ERP27: variants seen among roughly 807,000 people sequenced by gnomAD.
ERP27 encodes the protein endoplasmic reticulum protein 27, also known as endoplasmic reticulum resident protein 27.
ERP27 carries 23 observed loss-of-function variants against 27.7 expected under a neutral mutation model. The ratio of observed to expected loss-of-function variants is 0.83; its 90% CI spans 0.60 to 1.18. ERP27 has a LOEUF of 1.18. Ranked by LOEUF, ERP27 falls within the 50% of genes most tolerant of loss-of-function variation. The probability of loss-of-function intolerance (pLI) is 0.00; values close to 1 mark genes in which losing one functional copy is unlikely to be tolerated. For synonymous variants in ERP27, 159 were observed against 118.3 expected (o/e 1.34, Z -2.23); for missense variants, 363 against 327.9 (o/e 1.11, Z -0.83).
rs143116191 is a variant in ERP27 at position 14,932,168 on chromosome 12, G to A, written c.333+2688C>T. Among the ~76,000 whole-genome samples, 99 of 152,260 alleles carry A rather than the reference G, an allele frequency of 6.5e-4. 1 individual carries two copies. Among genetic ancestry groups the A allele is most frequent in the African/African-American group, 2.3e-3 (95 of 41,546 alleles). ...TGAATACAAAGATGAATAAGTCATC[G>A]TTTCCAGCCTTGAATAGGTCATGGC... On this transcript the variant is annotated intron_variant, in intron 3 of 6. Transcript: ENST00000266397.
intron 4 of ERP27, among the ~76,000 whole-genome samples, chr12:14,918,032 T>G (rs1456444233): frequency 6.6e-6 from 1 of 152,230 alleles, no homozygotes; most frequent in African/African-American, 2.4e-5. Context: ...AATGTAGTCT[T>G]TGTTTGAGTA....
At chr12:14,934,813 A>G (rs746881626) in intron 3 of ERP27, 43 bp downstream of exon 3, 29 of 1,612,128 alleles carry the variant, frequency 1.8e-5, no homozygotes, top group Non-Finnish European at 2.4e-5. Flanking sequence ...TCCACAACCC[A>G]GTGAAAATCT....
At chr12:14,934,825 G>C (rs1343748430) in intron 3 of ERP27, 31 bp downstream of exon 3, 13 of 1,613,158 alleles carry the variant, frequency 8.1e-6, no homozygotes, top group Non-Finnish European at 1.1e-5. Flanking sequence ...TGAAAATCTG[G>C]GAGAAAGCTC....
At chr12:14,925,829 G>A (rs1453993451) in intron 3 of ERP27, among the ~76,000 whole-genome samples, 1 of 152,032 alleles carries the variant, frequency 6.6e-6, no homozygotes, top group Non-Finnish European at 1.5e-5. Context: ...CAGCACTTTG[G>A]GAGGCTGAGG....
At chr12:14,927,729 C>T (rs2120594740) in intron 3 of ERP27, among the ~76,000 whole-genome samples, 1 of 143,966 alleles carries the variant, frequency 6.9e-6, no homozygotes, top group South Asian at 2.3e-4. Context: ...TTTACTGGCT[C>T]TCTAATGCCT....
intron 3 of ERP27, chr12:14,929,002 A>G: frequency 6.5e-7 from 1 of 1,534,792 alleles, no homozygotes; most frequent in Non-Finnish European, 8.7e-7. Flanking sequence ...TGCAACCACC[A>G]AAATCATCAT....
chr12:14,928,832 C>T lies in ERP27; in HGVS notation c.333+6024G>A, dbSNP rs551503399. 2.8e-6 allele frequency: 3 copies of T among 1,087,970 alleles called. No individual in the cohort carries two copies. In the East Asian group the frequency reaches 7.7e-5, roughly 28 times the overall value. 67.4% of individuals were successfully genotyped at this position (1,087,970 alleles called of 1,614,324 possible). ...AGGTAGATCCTTGCCCACCCTCCTA[C>T]CACCTCCTTCCCCTTCCCTTGCCCA... On this transcript the variant is annotated intron_variant, in intron 3 of 6. Coordinates refer to ENST00000266397, the MANE Select transcript of ERP27 (RefSeq NM_152321.4).
At position 14,917,226 on chromosome 12, in the gene ERP27, T is replaced by C. The variant is rs776234893; in HGVS notation, c.528A>G (p.Glu176=). 7 of 1,614,182 alleles carry C rather than the reference T, an allele frequency of 4.3e-6. No homozygotes were observed. Among genetic ancestry groups the C allele is most frequent in the Non-Finnish European group, 5.9e-6 (7 of 1,180,016 alleles). ...CCTTCTGGTATCTGTGCATGTTCTCTTCATACTCTGGGGAGGCCTTGTTCA... is the reference window on the plus strand; with the variant it reads ...CCTTCTGGTATCTGTGCATGTTCTCCTCATACTCTGGGGAGGCCTTGTTCA... ...LIMNKASPEY[E]ENMHRYQKAA... The change falls in exon 5 of 7, where the codon GAA becomes GAG. Residue 176 remains glutamate, a synonymous_variant. Coordinates refer to ENST00000266397, the MANE Select transcript of ERP27 (RefSeq NM_152321.4).
Position 14,920,971 on chromosome 12 carries a change from C to T in ERP27, c.411G>A (p.Glu137=). Residue 137 remains glutamate (E), a synonymous_variant, in exon 4 of 7, where the codon GAG becomes GAA. Transcript: ENST00000266397. ...IDATKLSRFI[E]INSLHMVTEY... The stretch of plus-strand genomic sequence containing the variant: ...CTGTCACCATGTGGAGGCTGTTGAT[C>T]TCAATGAAACGGCTCAATTTGGTGG... 1.2e-6 allele frequency: 2 copies of T among 1,614,138 alleles called. No individual in the cohort carries two copies. Among genetic ancestry groups the T allele is most frequent in the Middle Eastern group, 1.6e-4 (1 of 6,062 alleles).
intron 3 of ERP27, among the ~76,000 whole-genome samples, chr12:14,926,453 T>C (rs1430289451): frequency 6.6e-6 from 1 of 152,254 alleles, no homozygotes; most frequent in East Asian, 1.9e-4. Flanking sequence ...ATTACTGGTG[T>C]ATTTAATTAT....
Position 14,920,981 on chromosome 12 carries a change from CG to C in ERP27, c.400del (p.Arg134ValfsTer11). 1 of 1,614,082 alleles carries C rather than the reference CG, an allele frequency of 6.2e-7. No individual in the cohort carries two copies. Among genetic ancestry groups the C allele is most frequent in the Non-Finnish European group, 8.5e-7 (1 of 1,179,984 alleles). On this transcript the variant is annotated frameshift_variant, in exon 4 of 7. Transcript: ENST00000266397. LOFTEE classifies it high-confidence loss of function. ...IESIDATKLS[R>X]FIEINSLHMV... ...GTGGAGGCTGTTGATCTCAATGAAA[CG>C]GCTCAATTTGGTGGCATCAATGCTT...
chr12:14,915,593 T>C lies in ERP27; in HGVS notation c.670A>G (p.Ile224Val). Residue 224 changes from isoleucine to valine, a missense_variant, in exon 6 of 7, where the codon ATT becomes GTT. Ile to Val is a conservative substitution (Grantham distance 29). Transcript: ENST00000266397. Reference protein sequence around the residue: ...LKESQLPALAIYQTLDDEWDT... With the variant: ...LKESQLPALAVYQTLDDEWDT... ...CACTCGTCATCTAGAGTCTGGTAAA[T>C]TGCCAAAGCTGGCAGTTGAGACTCC... 1 of 1,614,218 alleles carries C rather than the reference T, an allele frequency of 6.2e-7. No individual in the cohort carries two copies. The highest frequency in any genetic ancestry group is 1.1e-5 in the South Asian group (1 of 91,084).
In ERP27 at chr12:14,920,927, T is replaced by C; in HGVS notation, c.450+5A>G. ...AAGGGACTAAGAACAGGAAGTATTG[T>C]TTACCACAGGGTTGTACTCTGTCAC... On this transcript the variant is annotated splice_donor_5th_base_variant and intron_variant, in intron 4 of 6. Coordinates refer to ENST00000266397, the MANE Select transcript of ERP27 (RefSeq NM_152321.4). 1 of 1,611,616 alleles carries C rather than the reference T, an allele frequency of 6.2e-7. No individual in the cohort carries two copies. The highest frequency in any genetic ancestry group is 1.7e-4 in the Middle Eastern group (1 of 6,056).
At chr12:14,931,927 A>G (rs1012556018) in intron 3 of ERP27, among the ~76,000 whole-genome samples, 1 of 152,218 alleles carries the variant, frequency 6.6e-6, no homozygotes, top group Non-Finnish European at 1.5e-5. Context: ...GCATTTGCCT[A>G]ACCTTCCATA....
Position 14,914,646 on chromosome 12 carries a change from T to A in ERP27, c.*89A>T, listed in dbSNP as rs1863380272. 26 of 1,270,186 alleles carry A rather than the reference T, an allele frequency of 2.0e-5. No homozygotes were observed. Among genetic ancestry groups the A allele is most frequent in the Non-Finnish European group, 2.8e-5 (25 of 889,610 alleles). 78.7% of individuals were successfully genotyped at this position (1,270,186 alleles called of 1,614,324 possible). A position where few individuals can be genotyped will look rare whatever the true frequency, so the allele number is the denominator to read the frequency against. On this transcript the variant is annotated 3_prime_UTR_variant, in exon 7 of 7. Coordinates refer to ENST00000266397, the MANE Select transcript of ERP27 (RefSeq NM_152321.4). Reference sequence around the variant, plus strand: ...TGTGTGTGGTTGGCAGGCCTAGTGATCCTGTTGTTTAGTGTCTCTGAGATT... The same window carrying A: ...TGTGTGTGGTTGGCAGGCCTAGTGAACCTGTTGTTTAGTGTCTCTGAGATT...
At chr12:14,933,843 C>A (rs1863733667) in intron 3 of ERP27, among the ~76,000 whole-genome samples, 1 of 152,142 alleles carries the variant, frequency 6.6e-6, no homozygotes, top group African/African-American at 2.4e-5. Context: ...TCTGTTGCTA[C>A]CTCTCTACTA....
intron 4 of ERP27, among the ~76,000 whole-genome samples, chr12:14,919,315 A>G (rs1428413460): frequency 6.6e-6 from 1 of 152,244 alleles, no homozygotes; most frequent in Non-Finnish European, 1.5e-5. Flanking sequence ...AACTTAAAAA[A>G]GATACGTCAT....
chr12:14,936,098 C>T (rs542736897), intron 2 of ERP27, among the ~76,000 whole-genome samples: 62 of 152,028 alleles, frequency 4.1e-4, no homozygotes, highest in Non-Finnish European at 2.8e-4. Context: ...TTCCTCCCAC[C>T]GGCTCTTCCT....
rs750316629 is a variant in ERP27, at chr12:14,934,975, C to G, written c.214G>C (p.Val72Leu). The G allele has an allele frequency of 6.2e-7, 1 of 1,614,058 alleles. No homozygotes were observed. The highest frequency in any genetic ancestry group is 1.1e-5 in the South Asian group (1 of 91,072). The change falls in exon 3 of 7, where the codon GTG (valine) becomes CTG (leucine). Residue 72 changes from valine to leucine, a missense_variant. Transcript: ENST00000266397. Reference protein sequence around the residue: ...GFFQDLEIPAVPILHSMVQKF... With the variant: ...GFFQDLEIPALPILHSMVQKF... ...TGCACCATGCTATGGAGTATGGGCACTGCTGGTATTTCTAAATCCTAAAAA... is the reference window on the plus strand; with the variant it reads ...TGCACCATGCTATGGAGTATGGGCAGTGCTGGTATTTCTAAATCCTAAAAA...
Sources: allele counts gnomAD v4.1 joint callset (sites outside exome capture counted in the v4.1 genomes callset), GRCh38; gene constraint gnomAD v4.1.1; transcripts MANE v1.5; gene names NCBI Gene and HGNC (gene_info 2026-07-23, HGNC 2026-07-21).